Variants in ADAM15 observed in about 807,000 individuals in gnomAD.
The protein encoded by ADAM15 is disintegrin and metalloproteinase domain-containing protein 15.
In ADAM15, 77 loss-of-function variants were observed where a neutral mutation model predicts 113.8. The ratio of observed to expected loss-of-function variants is 0.68; its 90% CI spans 0.56 to 0.82. The LOEUF (loss-of-function observed/expected upper bound fraction) is 0.82, where lower values mean the gene tolerates loss of function less well. Among genes scored for constraint, ADAM15 ranks in the 40% least tolerant of loss-of-function variants. The probability of loss-of-function intolerance (pLI) is 0.00; values close to 1 mark genes in which losing one functional copy is unlikely to be tolerated. For synonymous variants in ADAM15, 388 were observed against 454.1 expected, an observed-to-expected ratio of 0.85 and a Z score of 1.85; for missense variants, 963 against 1,120.1, an observed-to-expected ratio of 0.86 and a Z score of 2.00.
In ADAM15 at chr1:155,056,323, C is replaced by G; in HGVS notation, c.915-63C>G. The G allele has an allele frequency of 1.2e-6, 2 of 1,611,138 alleles. No individual in the cohort carries two copies. Among genetic ancestry groups the G allele is most frequent in the Non-Finnish European group, 1.7e-6 (2 of 1,177,756 alleles). ...TTCACACCCCTTCAGCACCCTACCT[C>G]AGCCCCTGAAGCTCTGACCACCGTG... On this transcript the variant is annotated intron_variant, in intron 9 of 22. Transcript: ENST00000356955. This position sits in a 1 kb window ranked among gnomAD's most constrained non-coding sequence, Gnocchi z 4.0.
At chr1:155,060,496 T>C (rs1274634011) in intron 18 of ADAM15, among the ~76,000 whole-genome samples, 153 bp downstream of exon 18, 3 of 152,142 alleles carry the variant, frequency 2.0e-5, no homozygotes, top group African/African-American at 7.2e-5. Context: ...CCCTTCCCTA[T>C]ATGTGCCCAC....
Position 155,056,237 on chromosome 1 carries a change from C to A in ADAM15, c.902C>A (p.Ala301Asp). 1 of 1,613,946 alleles carries A rather than the reference C, an allele frequency of 6.2e-7. No individual in the cohort carries two copies. The part of the protein sequence containing the change: ...HLLPRLPHDS[A>D]QLVTGTSFSG... ...CTGCCTCGATTGCCCCATGACAGTG[C>A]CCAGCTGGTGACGTAAGGGCCCCAG... The change falls in exon 9 of 23, where the codon GCC becomes GAC. Residue 301 changes from alanine to aspartate, a missense_variant. By Grantham distance (126) the Ala-to-Asp change is moderately radical. Transcript: ENST00000356955. This position sits in a 1 kb window ranked among gnomAD's most constrained non-coding sequence, Gnocchi z 4.0.
Position 155,056,595 on chromosome 1 carries a change from G to A in ADAM15, c.999+125G>A. On this transcript the variant is annotated intron_variant, in intron 10 of 22. Coordinates refer to ENST00000356955, the MANE Select transcript of ADAM15 (RefSeq NM_207197.3). This position sits in a 1 kb window ranked among gnomAD's most constrained non-coding sequence, Gnocchi z 4.0. Reference sequence around the variant, plus strand: ...AAAGCTACAGGTATAGAGGGTGGAGGTACGTGATGTGGCCTTTGCTATCAG... The same window carrying A: ...AAAGCTACAGGTATAGAGGGTGGAGATACGTGATGTGGCCTTTGCTATCAG... 2 of 915,102 alleles carry A rather than the reference G, an allele frequency of 2.2e-6. No homozygotes were observed. Among genetic ancestry groups the A allele is most frequent in the South Asian group, 1.6e-5 (1 of 62,894 alleles). The allele number at this position is 915,102 out of a possible 1,614,324, so 56.7% of individuals were successfully genotyped here.
In ADAM15 at chr1:155,056,996, A is replaced by G. The variant is rs1279711506; in HGVS notation, c.1043A>G (p.His348Arg). The stretch of plus-strand genomic sequence containing the variant: ...CTGGGAGTCGCCTCCTCCATAGCCC[A>G]TGAGTTGGGCCACAGCCTGGGCCTG... ...SILGVASSIA[H>R]ELGHSLGLDH... Residue 348 changes from histidine (H) to arginine (R), a missense_variant, in exon 11 of 23, where the codon CAT becomes CGT. His to Arg is a conservative substitution (Grantham distance 29). Coordinates refer to ENST00000356955, the MANE Select transcript of ADAM15 (RefSeq NM_207197.3). The surrounding 1 kb of genome is among the most constrained non-coding windows in gnomAD (Gnocchi z 4.0). 6.2e-7 allele frequency: 1 copy of G among 1,603,934 alleles called. No individual in the cohort carries two copies. Among genetic ancestry groups the G allele is most frequent in the Non-Finnish European group, 8.5e-7 (1 of 1,174,588 alleles).
Position 155,056,802 on chromosome 1 carries a change from C to G in ADAM15, c.1000-151C>G. On this transcript the variant is annotated intron_variant, in intron 10 of 22. Coordinates refer to ENST00000356955, the MANE Select transcript of ADAM15 (RefSeq NM_207197.3). The surrounding 1 kb of genome is among the most constrained non-coding windows in gnomAD (Gnocchi z 4.0). Reference sequence around the variant, plus strand: ...AGTTTCTGCCATCCAGGCCTGGGTTCTCCTACTTTAGAAGCAATTCAGGAG... The same window carrying G: ...AGTTTCTGCCATCCAGGCCTGGGTTGTCCTACTTTAGAAGCAATTCAGGAG... The G allele has an allele frequency of 4.2e-6, 5 of 1,192,554 alleles. No homozygotes were observed. Among genetic ancestry groups the G allele is most frequent in the Non-Finnish European group, 5.9e-6 (5 of 850,086 alleles). 73.9% of individuals were successfully genotyped at this position (1,192,554 alleles called of 1,614,324 possible). A position where few individuals can be genotyped will look rare whatever the true frequency, so the allele number is the denominator to read the frequency against.
In ADAM15 at chr1:155,057,260, C is replaced by T. The variant is rs1180482153; in HGVS notation, c.1221C>T (p.Gly407=). The T allele has an allele frequency of 6.2e-7, 1 of 1,614,196 alleles. No homozygotes were observed. Among genetic ancestry groups the T allele is most frequent in the Non-Finnish European group, 8.5e-7 (1 of 1,180,024 alleles). ...ALEKALLDGM[G]SCLFERLPSL... ...AGAAAGCCCTCCTGGATGGAATGGG[C>T]AGCTGCCTCTTCGAACGGCTGCCTA... Residue 407 remains glycine (G), a synonymous_variant, in exon 12 of 23, where the codon GGC becomes GGT. Coordinates refer to ENST00000356955, the MANE Select transcript of ADAM15 (RefSeq NM_207197.3). The surrounding 1 kb of genome is among the most constrained non-coding windows in gnomAD (Gnocchi z 5.0).
intron 19 of ADAM15, 92 bp from the exon 20 acceptor site, chr1:155,061,323 G>A: frequency 1.1e-6 from 1 of 875,668 alleles, no homozygotes; most frequent in Non-Finnish European, 1.8e-6. Context: ...GGCCCCTGCT[G>A]GCCCCCCCTG....
intron 3 of ADAM15, 33 bp downstream of exon 3, chr1:155,053,526 A>G (rs1274338185): frequency 1.2e-6 from 2 of 1,607,376 alleles, no homozygotes; most frequent in Non-Finnish European, 1.7e-6. Context: ...CAGTGACCAC[A>G]TGGCCAACAA....
intron 2 of ADAM15, 31 bp downstream of exon 2, chr1:155,052,808 C>G (rs775348283): frequency 2.5e-6 from 4 of 1,580,362 alleles, no homozygotes; most frequent in Non-Finnish European, 1.7e-6. Context: ...AATAAATAAA[C>G]GAATCCACAC....
Position 155,057,070 on chromosome 1 carries a change from G to A in ADAM15, c.1117G>A (p.Ala373Thr). 1.3e-6 allele frequency: 2 copies of A among 1,581,630 alleles called. No homozygotes were observed. The highest frequency in any genetic ancestry group is 2.2e-5 in the East Asian group (1 of 44,488). ...CTGCCCCTGTCCAGGTCCAGCCCCAGCCAAGACCTGCATCATGGAGGCCTC... is the reference window on the plus strand; with the variant it reads ...CTGCCCCTGTCCAGGTCCAGCCCCAACCAAGACCTGCATCATGGAGGCCTC... Reference protein sequence around the residue: ...NSCPCPGPAPAKTCIMEASTD... With the variant: ...NSCPCPGPAPTKTCIMEASTD... The change falls in exon 11 of 23, where the codon GCC (alanine) becomes ACC (threonine). Residue 373 changes from alanine (A) to threonine (T), a missense_variant. Transcript: ENST00000356955. The surrounding 1 kb of genome is among the most constrained non-coding windows in gnomAD (Gnocchi z 5.0).
chr1:155,062,690 A>T lies in ADAM15; in HGVS notation c.*188A>T. 5.2e-5 allele frequency: 38 copies of T among 731,122 alleles called. No individual in the cohort carries two copies. The highest frequency in any genetic ancestry group is 6.7e-5 in the Non-Finnish European group (31 of 463,290). The allele number at this position is 731,122 out of a possible 1,614,324, so 45.3% of individuals were successfully genotyped here. A position where few individuals can be genotyped will look rare whatever the true frequency, so the allele number is the denominator to read the frequency against. ...GCGTAGTTGCAGCGGGGGCTTGGGG[A>T]GGGGCTGGGGGTTGGACGGGATTGA... On this transcript the variant is annotated 3_prime_UTR_variant, in exon 23 of 23. Coordinates refer to ENST00000356955, the MANE Select transcript of ADAM15 (RefSeq NM_207197.3). This position sits in a 1 kb window ranked among gnomAD's most constrained non-coding sequence, Gnocchi z 7.0.
Position 155,057,582 on chromosome 1 carries a change from G to A in ADAM15, c.1324-55G>A, listed in dbSNP as rs972955756. 3 of 1,590,946 alleles carry A rather than the reference G, an allele frequency of 1.9e-6. No homozygotes were observed. The African/African-American group carries it at 4.0e-5, about 21-fold the overall frequency. On this transcript the variant is annotated intron_variant, in intron 12 of 22. Transcript: ENST00000356955. This position sits in a 1 kb window ranked among gnomAD's most constrained non-coding sequence, Gnocchi z 5.0. The stretch of plus-strand genomic sequence containing the variant: ...CTGTGGGAGGAGGAGAGATTGGAGG[G>A]AGGCTCACAGGCCCCACCTGCTCTG...
In ADAM15 at chr1:155,054,302, C is replaced by CT; in HGVS notation, c.420-6dup. On this transcript the variant is annotated splice_polypyrimidine_tract_variant and intron_variant, in intron 5 of 22. Coordinates refer to ENST00000356955, the MANE Select transcript of ADAM15 (RefSeq NM_207197.3). ...TGGAGCTGAAATGTTCTCTGACTTT[C>CT]TTTTTTCTTAGAGGCTTGGTGGTCC... is the stretch of plus-strand genomic sequence containing the variant. 6.3e-7 allele frequency: 1 copy of CT among 1,582,288 alleles called. No homozygotes were observed. Among genetic ancestry groups the CT allele is most frequent in the Non-Finnish European group, 8.6e-7 (1 of 1,165,898 alleles).
Position 155,057,591 on chromosome 1 carries a change from A to T in ADAM15, c.1324-46A>T, listed in dbSNP as rs1434107743. ...GAGGAGAGATTGGAGGGAGGCTCACAGGCCCCACCTGCTCTGATGCCCGGC... is the reference window on the plus strand; with the variant it reads ...GAGGAGAGATTGGAGGGAGGCTCACTGGCCCCACCTGCTCTGATGCCCGGC... On this transcript the variant is annotated intron_variant, in intron 12 of 22. Transcript: ENST00000356955. This position sits in a 1 kb window ranked among gnomAD's most constrained non-coding sequence, Gnocchi z 5.0. The T allele has an allele frequency of 1.2e-6, 2 of 1,601,642 alleles. No homozygotes were observed. Among genetic ancestry groups the T allele is most frequent in the Admixed American group, 3.3e-5 (2 of 59,934 alleles).
Position 155,061,990 on chromosome 1 carries a change from A to G in ADAM15, c.2424+15A>G. On this transcript the variant is annotated intron_variant, in intron 21 of 22. Transcript: ENST00000356955. ...GAAGCCCGAAGGTAACGGTGGGGGG[A>G]GAGAAGGGCACGGCCTCTCCCCCCA... The G allele has an allele frequency of 1.3e-6, 2 of 1,561,656 alleles. No homozygotes were observed. Among genetic ancestry groups the G allele is most frequent in the Admixed American group, 1.9e-5 (1 of 53,816 alleles).
At chr1:155,052,916 C>A in intron 2 of ADAM15, 139 bp downstream of exon 2, 1 of 1,141,688 alleles carries the variant, frequency 8.8e-7, no homozygotes. Flanking sequence ...CCAGCTGCCT[C>A]TCCCACCACA....
At chr1:155,060,449 TG>T in intron 18 of ADAM15, 106 bp downstream of exon 18, 1 of 1,508,164 alleles carries the variant, frequency 6.6e-7, no homozygotes. Flanking sequence ...CCAGGCCCCT[TG>T]GACCTTAAAG....
In ADAM15 at chr1:155,056,879, G is replaced by A; in HGVS notation, c.1000-74G>A. On this transcript the variant is annotated intron_variant, in intron 10 of 22. Coordinates refer to ENST00000356955, the MANE Select transcript of ADAM15 (RefSeq NM_207197.3). The surrounding 1 kb of genome is among the most constrained non-coding windows in gnomAD (Gnocchi z 4.0). ...GAGGTCAGACGTGGAGGGAACAGGA[G>A]CAGAGAGGGTGGTCTGGGCATTGTG... is the stretch of plus-strand genomic sequence containing the variant. 1 of 1,510,020 alleles carries A rather than the reference G, an allele frequency of 6.6e-7. No homozygotes were observed. Among genetic ancestry groups the A allele is most frequent in the Non-Finnish European group, 8.9e-7 (1 of 1,128,032 alleles). The allele number at this position is 1,510,020 out of a possible 1,614,324, so 93.5% of individuals were successfully genotyped here. A position where few individuals can be genotyped will look rare whatever the true frequency, so the allele number is the denominator to read the frequency against.
rs199625067 is a variant in ADAM15 at position 155,054,439 on chromosome 1, G to A, written c.545G>A (p.Ser182Asn). The change falls in exon 6 of 23, where the codon AGC becomes AAC. Residue 182 changes from serine (S) to asparagine (N), a missense_variant. Physicochemically the swap from Ser to Asn is conservative, Grantham distance 46 (BLOSUM62 1). Transcript: ENST00000356955. ...LHLPGHTCAL[S>N]WRESVHTQKP... ...CTGCCAGGCCACACCTGTGCCCTGA[G>A]CTGGCGGGAATCTGTACACACTCAG... The A allele has an allele frequency of 2.1e-4, 338 of 1,613,424 alleles. No individual in the cohort carries two copies. The highest frequency in any genetic ancestry group is 2.7e-4 in the Non-Finnish European group (323 of 1,179,732).
Sources: allele counts gnomAD v4.1 joint callset (sites outside exome capture counted in the v4.1 genomes callset), GRCh38; gene constraint gnomAD v4.1.1; non-coding constraint Gnocchi (gnomAD v3.1); transcripts MANE v1.5; gene names NCBI Gene and HGNC (gene_info 2026-07-23, HGNC 2026-07-21).